ASIC2: variants seen among roughly 807,000 people sequenced by gnomAD.
ASIC2 encodes the protein acid-sensing ion channel 2.
ASIC2 carries 25 observed loss-of-function variants against 57.3 expected under a neutral mutation model. The observed-to-expected ratio is 0.44, with a 90% CI of 0.32 to 0.61. The LOEUF (loss-of-function observed/expected upper bound fraction) is 0.61, where lower values mean the gene tolerates loss of function less well. Among genes scored for constraint, ASIC2 ranks in the 20% least tolerant of loss-of-function variants. The pLI, the probability that ASIC2 is intolerant of heterozygous loss-of-function variation, is 0.06. For synonymous variants in ASIC2, 319 were observed against 307.5 expected (o/e 1.04, Z -0.39); for missense variants, 641 against 738.1 (o/e 0.87, Z 1.52).
intron 1 of ASIC2, among the ~76,000 whole-genome samples, chr17:33,333,489 C>T (rs1907395241): frequency 6.6e-6 from 1 of 152,076 alleles, no homozygotes; most frequent in Admixed American, 6.5e-5. Flanking sequence ...ATTGTTTGTG[C>T]AGAATTATAA....
intron 1 of ASIC2, among the ~76,000 whole-genome samples, chr17:33,567,323 G>A (rs1048173419): frequency 6.6e-6 from 1 of 152,190 alleles, no homozygotes; most frequent in East Asian, 1.9e-4. Context: ...AAGACAGCAA[G>A]CGTAGCTGGA....
At chr17:34,050,244 C>G (rs1439416853) in intron 1 of ASIC2, among the ~76,000 whole-genome samples, 1 of 152,114 alleles carries the variant, frequency 6.6e-6, no homozygotes, top group Non-Finnish European at 1.5e-5. Context: ...TAAATTGCAG[C>G]AGAGATTATT....
chr17:33,568,477 T>C (rs999838960), intron 1 of ASIC2, among the ~76,000 whole-genome samples: 1 of 152,228 alleles, frequency 6.6e-6, no homozygotes, highest in African/African-American at 2.4e-5. Flanking sequence ...TAAATAAGAC[T>C]GTTCCCTCTG....
intron 1 of ASIC2, among the ~76,000 whole-genome samples, chr17:34,095,674 G>T (rs796202757): frequency 0.018 from 2,148 of 116,356 alleles, 36 homozygotes; most frequent in Non-Finnish European, 0.026. Context: ...TATATATAGA[G>T]AGAGAGATAT....
At position 33,025,918 on chromosome 17, in the gene ASIC2, G is replaced by A. The variant is rs1157996204; in HGVS notation, c.1195+8C>T. ...CCCCATGATTCCATCTGTCCCCTGA[G>A]TACTGACCTAGGGCAGGCTCTGCAC... On this transcript the variant is annotated splice_region_variant and intron_variant, in intron 5 of 9. Transcript: ENST00000225823. 2 of 1,610,496 alleles carry A rather than the reference G, an allele frequency of 1.2e-6. No individual in the cohort carries two copies. The highest frequency in any genetic ancestry group is 1.7e-6 in the Non-Finnish European group (2 of 1,178,516).
intron 1 of ASIC2, among the ~76,000 whole-genome samples, chr17:33,810,914 C>T (rs895421273): frequency 6.6e-6 from 1 of 151,980 alleles, no homozygotes; most frequent in Non-Finnish European, 1.5e-5. Context: ...CACACACACA[C>T]TCCAGTATAA....
chr17:33,500,291 T>G lies in ASIC2; in HGVS notation c.556-388224A>C, dbSNP rs115569428. Among the ~76,000 whole-genome samples the G allele has an allele frequency of 4.7e-3, 719 of 152,152 alleles. 4 individuals carry two copies. The highest frequency in any genetic ancestry group is 0.016 in the African/African-American group (666 of 41,500). ...CAGCACAGTCATAATCACACCAACA[T>G]GATGTGACAGGCCAAAGTAGCAACT... On this transcript the variant is annotated intron_variant, in intron 1 of 9. Transcript: ENST00000359872.
rs1417852588 is a variant in ASIC2, at chr17:33,610,053, C to CGCGCAT, written c.556-497987_556-497986insATGCGC. Among the ~76,000 whole-genome samples the CGCGCAT allele has an allele frequency of 5.5e-3, 719 of 131,382 alleles. 4 individuals carry two copies. The highest frequency in any genetic ancestry group is 0.018 in the African/African-American group (588 of 32,880). The allele number at this position is 131,382 out of a possible 152,430, so 86.2% of individuals were successfully genotyped here. ...TCTTCACTGGGACCCTGGACAGAGG[C>CGCGCAT]GCACACACACACACACACACACACA... On this transcript the variant is annotated intron_variant, in intron 1 of 9. Transcript: ENST00000359872.
At chr17:33,879,924 T>G (rs1395425956) in intron 1 of ASIC2, among the ~76,000 whole-genome samples, 1 of 152,122 alleles carries the variant, frequency 6.6e-6, no homozygotes, top group African/African-American at 2.4e-5. Context: ...CACAGTGCAA[T>G]CAAACTAGAA....
intron 1 of ASIC2, among the ~76,000 whole-genome samples, chr17:33,237,203 A>G (rs1326480684): frequency 2.6e-5 from 4 of 152,176 alleles, no homozygotes; most frequent in East Asian, 1.9e-4. Flanking sequence ...TTGGCTTCCA[A>G]AAAAGTCCCA....
chr17:33,915,667 A>T (rs1915568292), intron 1 of ASIC2, among the ~76,000 whole-genome samples: 1 of 152,232 alleles, frequency 6.6e-6, no homozygotes, highest in Non-Finnish European at 1.5e-5. Context: ...TGCTTTCTGC[A>T]GAGGCCGCTG....
intron 2 of ASIC2, among the ~76,000 whole-genome samples, chr17:33,098,609 C>T (rs2092194566): frequency 6.6e-6 from 1 of 152,202 alleles, no homozygotes; most frequent in Non-Finnish European, 1.5e-5. Flanking sequence ...CAAGTGTCCA[C>T]AAGAGTTTGG....
At chr17:33,849,441 A>G (rs1411807269) in intron 1 of ASIC2, among the ~76,000 whole-genome samples, 1 of 152,168 alleles carries the variant, frequency 6.6e-6, no homozygotes, top group Non-Finnish European at 1.5e-5. Context: ...TAACCTACTC[A>G]AGGTCCCATG....
intron 1 of ASIC2, among the ~76,000 whole-genome samples, chr17:33,677,912 A>AGAT (rs1433536141): frequency 6.6e-6 from 1 of 152,244 alleles, no homozygotes; most frequent in African/African-American, 2.4e-5. Flanking sequence ...GGGTTTGAGA[A>AGAT]GATTGACTCC....
intron 1 of ASIC2, among the ~76,000 whole-genome samples, chr17:33,435,027 A>G (rs1182113961): frequency 6.6e-6 from 1 of 152,208 alleles, no homozygotes; most frequent in Non-Finnish European, 1.5e-5. Context: ...TTATCTCCTA[A>G]GTACTCAAGA....
chr17:33,972,188 T>C (rs1905244673), intron 1 of ASIC2, among the ~76,000 whole-genome samples: 1 of 152,210 alleles, frequency 6.6e-6, no homozygotes, highest in Non-Finnish European at 1.5e-5. Context: ...TTACCAAACA[T>C]GTCACATGAT....
intron 1 of ASIC2, among the ~76,000 whole-genome samples, chr17:33,464,510 T>TTCTC: frequency 2.7e-5 from 1 of 36,430 alleles, no homozygotes; most frequent in East Asian, 4.3e-4. Context: ...CTTTCTTTCT[T>TTCTC]TCTTTCTTTC....
At position 34,061,212 on chromosome 17, in the gene ASIC2, C is replaced by T. The variant is rs569943244; in HGVS notation, c.555+94766G>A. Among the ~76,000 whole-genome samples, 255 of 152,186 alleles carry T rather than the reference C, an allele frequency of 1.7e-3. 1 individual carries two copies. The highest frequency in any genetic ancestry group is 6.0e-3 in the African/African-American group (250 of 41,466). Reference sequence around the variant, plus strand: ...CTATCTTTAGCCTCCTCAAACAAAACCATTATCAGCCAAGAATTGTGTACC... The same window carrying T: ...CTATCTTTAGCCTCCTCAAACAAAATCATTATCAGCCAAGAATTGTGTACC... On this transcript the variant is annotated intron_variant, in intron 1 of 9. Transcript: ENST00000359872.
intron 1 of ASIC2, among the ~76,000 whole-genome samples, chr17:33,606,008 T>G (rs1305905108): frequency 6.6e-6 from 1 of 152,220 alleles, no homozygotes; most frequent in African/African-American, 2.4e-5. Flanking sequence ...GATTTCCAGC[T>G]CTCAGTCTCT....
Sources: gnomAD v4.1 joint callset for allele counts (sites outside exome capture counted in the v4.1 genomes callset) on GRCh38, gnomAD v4.1.1 for gene constraint, MANE v1.5 for transcripts, NCBI Gene and HGNC (gene_info 2026-07-23, HGNC 2026-07-21) for gene names.